The following PLXNA4 variants were observed in gnomAD, a reference collection of about 807,000 sequenced individuals.
PLXNA4 encodes plexin-A4.
In PLXNA4, 44 loss-of-function variants were observed where a neutral mutation model predicts 191.8. The ratio of observed to expected loss-of-function variants is 0.23; its 90% CI spans 0.18 to 0.29. The LOEUF (loss-of-function observed/expected upper bound fraction) is 0.29. Among genes scored for constraint, PLXNA4 ranks in the 10% least tolerant of loss-of-function variants. PLXNA4 has a pLI of 1.00. For missense variants in PLXNA4, 1,800 were observed against 2,488.8 expected, an observed-to-expected ratio of 0.72 and a Z score of 5.89; for synonymous variants, 1,082 against 1,009.5, an observed-to-expected ratio of 1.07 and a Z score of -1.36.
At chr7:132,545,686 G>GT (rs1201201561) in intron 1 of PLXNA4, among the ~76,000 whole-genome samples, 1 of 151,766 alleles carries the variant, frequency 6.6e-6, no homozygotes, top group Non-Finnish European at 1.5e-5. Flanking sequence ...ACTTTCATTT[G>GT]TTTTTTGCAG....
intron 3 of PLXNA4, among the ~76,000 whole-genome samples, chr7:132,341,446 T>C (rs1010259475): frequency 6.6e-5 from 10 of 152,196 alleles, no homozygotes; most frequent in Non-Finnish European, 1.5e-5. Flanking sequence ...GTCTTAGAAT[T>C]GCTAATATAT....
chr7:132,158,562 T>C (rs1795858802), intron 25 of PLXNA4, among the ~76,000 whole-genome samples: 2 of 152,248 alleles, frequency 1.3e-5, no homozygotes, highest in South Asian at 4.1e-4. Flanking sequence ...GATCACACAC[T>C]GCATTAAAGA....
chr7:132,524,876 T>TA (rs1419577445), intron 1 of PLXNA4, among the ~76,000 whole-genome samples: 12 of 152,028 alleles, frequency 7.9e-5, no homozygotes, highest in African/African-American at 2.4e-4. Context: ...AAGACTTTTT[T>TA]CAAAAAAAAC....
At chr7:132,237,440 C>T (rs1798739257) in intron 5 of PLXNA4, among the ~76,000 whole-genome samples, 1 of 152,138 alleles carries the variant, frequency 6.6e-6, no homozygotes, top group Admixed American at 6.5e-5. Flanking sequence ...TTTACCCCCA[C>T]CTTCTTATAG....
intron 29 of PLXNA4, among the ~76,000 whole-genome samples, 153 bp downstream of exon 29, chr7:132,144,966 G>C (rs1795375343): frequency 6.6e-6 from 1 of 152,172 alleles, no homozygotes; most frequent in Non-Finnish European, 1.5e-5. Context: ...GAGTGGATGG[G>C]GAGGACCAGA....
intron 3 of PLXNA4, among the ~76,000 whole-genome samples, chr7:132,347,657 A>G (rs947978984): frequency 1.3e-5 from 2 of 152,040 alleles, no homozygotes; most frequent in African/African-American, 4.8e-5. Flanking sequence ...ACAGAGGGGG[A>G]CAAGCAGTTG....
chr7:132,563,955 C>T (rs1215009970), intron 1 of PLXNA4, among the ~76,000 whole-genome samples: 22 of 118,880 alleles, frequency 1.9e-4, no homozygotes, highest in African/African-American at 6.6e-4. Flanking sequence ...CCTCCTTTTC[C>T]TCCCCATTCT....
intron 3 of PLXNA4, among the ~76,000 whole-genome samples, chr7:132,361,914 A>T (rs1803958102): frequency 6.6e-6 from 1 of 152,226 alleles, no homozygotes; most frequent in African/African-American, 2.4e-5. Flanking sequence ...AAAAAGGAAA[A>T]GAAGAAGAGA....
chr7:132,239,729 C>T (rs905026630), intron 5 of PLXNA4, among the ~76,000 whole-genome samples: 4 of 152,200 alleles, frequency 2.6e-5, no homozygotes, highest in Non-Finnish European at 5.9e-5. Context: ...TCCTAGGCTC[C>T]CCTGCTCTGT....
chr7:132,445,288 C>T (rs1031572974), intron 3 of PLXNA4, among the ~76,000 whole-genome samples: 1 of 151,658 alleles, frequency 6.6e-6, no homozygotes, highest in Non-Finnish European at 1.5e-5. Flanking sequence ...TGTGATTTCT[C>T]GAGCAGATGC....
intron 3 of PLXNA4, among the ~76,000 whole-genome samples, chr7:132,445,583 CA>C (rs1450525054): frequency 2.0e-5 from 3 of 152,102 alleles, no homozygotes; most frequent in Non-Finnish European, 4.4e-5. Flanking sequence ...GTAGCTTTGA[CA>C]TTCACTTCTA....
intron 1 of PLXNA4, among the ~76,000 whole-genome samples, chr7:132,561,362 CCTT>C (rs1252968764): frequency 4.2e-4 from 61 of 145,940 alleles, no homozygotes; most frequent in African/African-American, 1.5e-3. Flanking sequence ...TCCTCTCCCT[CCTT>C]CTTGTCCTCC....
chr7:132,563,622 C>CTT (rs1801492615), intron 1 of PLXNA4, among the ~76,000 whole-genome samples: 1 of 129,284 alleles, frequency 7.7e-6, no homozygotes, highest in Non-Finnish European at 1.7e-5. Context: ...TCTTCCTCCT[C>CTT]CTTCTCTTCC....
chr7:132,596,602 G>A (rs149425540), intron 2 of PLXNA4, among the ~76,000 whole-genome samples: 86 of 152,198 alleles, frequency 5.7e-4, no homozygotes, highest in African/African-American at 1.8e-3. Context: ...AAAAAGTTAC[G>A]GAAGTTGTCT....
At chr7:132,570,568 G>A (rs909555848) in intron 1 of PLXNA4, among the ~76,000 whole-genome samples, 9 of 152,192 alleles carry the variant, frequency 5.9e-5, no homozygotes, top group Non-Finnish European at 1.2e-4. Context: ...GATCTTGAGC[G>A]AAGACCAGGA....
At chr7:132,644,994 G>C (rs1472924700) in intron 2 of PLXNA4, among the ~76,000 whole-genome samples, 1 of 152,176 alleles carries the variant, frequency 6.6e-6, no homozygotes, top group Non-Finnish European at 1.5e-5. Flanking sequence ...TTTCCCCTCG[G>C]GTTAGGACCA....
chr7:132,528,281 G>A (rs1236500179), intron 1 of PLXNA4, among the ~76,000 whole-genome samples: 1 of 152,152 alleles, frequency 6.6e-6, no homozygotes, highest in Non-Finnish European at 1.5e-5. Context: ...TCTCCATGGT[G>A]CGGACTACAT....
In PLXNA4 at chr7:132,430,992, C is replaced by T. The variant is rs543840297; in HGVS notation, c.1371+58300G>A. Among the ~76,000 whole-genome samples the T allele has an allele frequency of 3.3e-5, 5 of 151,888 alleles. No individual in the cohort carries two copies. In the South Asian group the frequency reaches 8.4e-4, roughly 25 times the overall value. The stretch of plus-strand genomic sequence containing the variant: ...TGATTCATGGTTATGAGTGTAGACC[C>T]GGGAATCAGATAAACTGGGCTCAAG... On this transcript the variant is annotated intron_variant, in intron 3 of 31. Coordinates refer to ENST00000321063, the MANE Select transcript of PLXNA4 (RefSeq NM_020911.2).
chr7:132,352,233 T>G (rs1048268988), intron 3 of PLXNA4: 1 of 152,262 alleles, frequency 6.6e-6, no homozygotes, highest in Non-Finnish European at 1.5e-5. Flanking sequence ...TTCCTCCTCC[T>G]CCTCCTCTGA....
Sources: gnomAD v4.1 joint callset for allele counts (sites outside exome capture counted in the v4.1 genomes callset) on GRCh38, gnomAD v4.1.1 for gene constraint, MANE v1.5 for transcripts, NCBI Gene and HGNC (gene_info 2026-07-23, HGNC 2026-07-21) for gene names.